Variants in CEP350 observed in about 807,000 individuals in gnomAD.
CEP350 encodes the protein centrosomal protein 350, also known as centrosome-associated protein 350.
A neutral mutation model predicts 331.8 loss-of-function variants in CEP350; 126 were observed. The observed-to-expected ratio is 0.38, with a 90% CI of 0.33 to 0.44. The LOEUF (loss-of-function observed/expected upper bound fraction) is 0.44. CEP350 is among the 20% of genes least tolerant of loss of function. CEP350 has a pLI of 1.00. For missense variants in CEP350, 3,406 were observed against 3,634.6 expected, an observed-to-expected ratio of 0.94 and a Z score of 1.62; for synonymous variants, 1,200 against 1,259.5, an observed-to-expected ratio of 0.95 and a Z score of 1.00.
chr1:180,041,640 T>C, intron 18 of CEP350, 22 bp from the exon 19 acceptor site: 3 of 1,596,518 alleles, frequency 1.9e-6, no homozygotes, highest in Non-Finnish European at 2.6e-6. Context: ...TAACTTCTTT[T>C]TTAAACCCCT....
At chr1:180,001,686 T>G (rs542722459) in intron 6 of CEP350, among the ~76,000 whole-genome samples, 25 of 152,338 alleles carry the variant, frequency 1.6e-4, no homozygotes, top group African/African-American at 6.0e-4. Flanking sequence ...TTGGACACAA[T>G]TTGTCCGTAT....
chr1:180,059,154 C>T (rs1443770908), intron 25 of CEP350, among the ~76,000 whole-genome samples: 1 of 152,090 alleles, frequency 6.6e-6, no homozygotes, highest in East Asian at 1.9e-4. Context: ...TGAATTTATA[C>T]ATTATTTAGT....
intron 1 of CEP350, among the ~76,000 whole-genome samples, chr1:179,976,231 G>GAA (rs34951847): frequency 8.6e-5 from 13 of 150,866 alleles, no homozygotes; most frequent in East Asian, 3.9e-4. Context: ...CTGTAAATCA[G>GAA]AAAAAAAAAT....
At chr1:180,096,814 G>A (rs1024815405) in intron 36 of CEP350, among the ~76,000 whole-genome samples, 5 of 152,202 alleles carry the variant, frequency 3.3e-5, no homozygotes, top group Admixed American at 2.6e-4. Context: ...CTAGTCACAT[G>A]TTTCTTTACG....
In CEP350 at chr1:180,031,501, T is replaced by C; in HGVS notation, c.3725+7T>C. 7.7e-7 allele frequency: 1 copy of C among 1,304,542 alleles called. No homozygotes were observed. Among genetic ancestry groups the C allele is most frequent in the Non-Finnish European group, 1.0e-6 (1 of 985,164 alleles). The allele number at this position is 1,304,542 out of a possible 1,614,324, so 80.8% of individuals were successfully genotyped here. On this transcript the variant is annotated splice_region_variant and intron_variant, in intron 15 of 37. Coordinates refer to ENST00000367607, the MANE Select transcript of CEP350 (RefSeq NM_014810.5). ...TTTCTGGACATTCTGTGAGGTAATGTATATTTTATACTGTAATTTATATAT... is the reference window on the plus strand; with the variant it reads ...TTTCTGGACATTCTGTGAGGTAATGCATATTTTATACTGTAATTTATATAT...
intron 27 of CEP350, among the ~76,000 whole-genome samples, chr1:180,071,009 A>G (rs1658845936): frequency 6.6e-6 from 1 of 151,680 alleles, no homozygotes; most frequent in Non-Finnish European, 1.5e-5. Context: ...TTAGCTGGGC[A>G]TGGCGGCGCG....
rs1395451174 is a variant in CEP350 at position 180,112,534 on chromosome 1, C to G, written c.*1373C>G. 2 of 152,626 alleles carry G rather than the reference C, an allele frequency of 1.3e-5. No individual in the cohort carries two copies. Among genetic ancestry groups the G allele is most frequent in the Non-Finnish European group, 2.9e-5 (2 of 68,052 alleles). 9.5% of individuals were successfully genotyped at this position (152,626 alleles called of 1,614,324 possible). ...GAGATGCTCTCCTGGGACCTCAGTA[C>G]CCTGCCTTCTTGACTGGTTTCCGTT... On this transcript the variant is annotated 3_prime_UTR_variant, in exon 38 of 38. Coordinates refer to ENST00000367607, the MANE Select transcript of CEP350 (RefSeq NM_014810.5).
chr1:179,965,637 T>TTTTTTTTTTTA (rs878992781), intron 1 of CEP350, among the ~76,000 whole-genome samples: 1 of 138,578 alleles, frequency 7.2e-6, no homozygotes, highest in Non-Finnish European at 1.6e-5. Flanking sequence ...TTTTTTTTTT[T>TTTTTTTTTTTA]GAGATAGAGT....
At chr1:180,090,350 T>C (rs1474727574) in intron 32 of CEP350, among the ~76,000 whole-genome samples, 1 of 151,034 alleles carries the variant, frequency 6.6e-6, no homozygotes, top group Non-Finnish European at 1.5e-5. Context: ...ATCGAGACCA[T>C]CCTGGCTAAC....
intron 6 of CEP350, among the ~76,000 whole-genome samples, chr1:180,000,132 T>G (rs1055588330): frequency 3.3e-5 from 5 of 152,098 alleles, no homozygotes. Context: ...AAATAAAGAC[T>G]TGGGGACAGA....
chr1:180,046,896 G>T (rs192719302), intron 21 of CEP350, among the ~76,000 whole-genome samples: 75 of 152,312 alleles, frequency 4.9e-4, no homozygotes, highest in Admixed American at 2.9e-3. Context: ...TCAACCCCAT[G>T]TCCTTCTGAC....
In CEP350 at chr1:180,062,378, G is replaced by T. The variant is rs1468705343; in HGVS notation, c.5409+12G>T. On this transcript the variant is annotated intron_variant, in intron 26 of 37. Transcript: ENST00000367607. ...GGGAGAGTAAATTGGTAAACTACAT[G>T]AAGTTATTATTTGTTTCCTGTCTTA... 6.3e-7 allele frequency: 1 copy of T among 1,580,112 alleles called. No homozygotes were observed. Among genetic ancestry groups the T allele is most frequent in the South Asian group, 1.2e-5 (1 of 85,246 alleles).
At position 180,092,799 on chromosome 1, in the gene CEP350, C is replaced by T. The variant is rs1283344905; in HGVS notation, c.6694C>T (p.Leu2232Phe). 6.4e-6 allele frequency: 10 copies of T among 1,573,740 alleles called. No homozygotes were observed. Among genetic ancestry groups the T allele is most frequent in the Non-Finnish European group, 7.8e-6 (9 of 1,158,104 alleles). Residue 2232 changes from leucine to phenylalanine, a missense_variant, in exon 34 of 38, where the codon CTC becomes TTC. By Grantham distance (22) the Leu-to-Phe change is conservative (BLOSUM62 0). Coordinates refer to ENST00000367607, the MANE Select transcript of CEP350 (RefSeq NM_014810.5). The stretch of plus-strand genomic sequence containing the variant: ...AGAAAATGTACCTGCATTACATCTT[C>T]TCAAAGAATTAAATGCCACTAGTAG... ...SLENVPALHL[L>F]KELNATSRIL...
chr1:180,110,158 G>C (rs1016292773), intron 37 of CEP350, among the ~76,000 whole-genome samples: 13 of 152,100 alleles, frequency 8.5e-5, no homozygotes, highest in Non-Finnish European at 1.2e-4. Context: ...TATAACAAGT[G>C]TTATTCATTT....
chr1:180,073,711 C>T, intron 27 of CEP350: 2 of 1,176,940 alleles, frequency 1.7e-6, no homozygotes, highest in Non-Finnish European at 2.3e-6. Context: ...CTTCACTCAG[C>T]TCTTACGCTT....
In CEP350 at chr1:180,093,406, A is replaced by G. The variant is rs760937842; in HGVS notation, c.7301A>G (p.Glu2434Gly). The G allele has an allele frequency of 2.5e-6, 4 of 1,598,812 alleles. No individual in the cohort carries two copies. Among genetic ancestry groups the G allele is most frequent in the Non-Finnish European group, 3.4e-6 (4 of 1,172,372 alleles). Reference sequence around the variant, plus strand: ...GCCACTAGCTTTGGTAGTAATGAGGAAATCAGTGAGTGCCTAAGTGAGAAA... The same window carrying G: ...GCCACTAGCTTTGGTAGTAATGAGGGAATCAGTGAGTGCCTAAGTGAGAAA... ...SGATSFGSNE[E>G]ISECLSEKSL... The change falls in exon 34 of 38, where the codon GAA (glutamate) becomes GGA (glycine). Residue 2434 changes from glutamate (E) to glycine (G), a missense_variant. Glu to Gly is a moderately conservative substitution (Grantham distance 98). This residue lies in a region of CEP350 where 1,415 missense variants were observed against 1,512.3 expected (regional missense o/e 0.94). Transcript: ENST00000367607.
chr1:180,084,035 A>G lies in CEP350; in HGVS notation c.6142A>G (p.Ser2048Gly), dbSNP rs767643644. 112 of 1,577,986 alleles carry G rather than the reference A, an allele frequency of 7.1e-5. No homozygotes were observed. The highest frequency in any genetic ancestry group is 4.3e-6 in the Non-Finnish European group (5 of 1,158,722). ...TCTTTCAGAAACTACATCTGACCAGAGTGATATTGAAGGTAGGATCAGAGC... is the reference window on the plus strand; with the variant it reads ...TCTTTCAGAAACTACATCTGACCAGGGTGATATTGAAGGTAGGATCAGAGC... Reference protein sequence around the residue: ...MTQSETTSDQSDIEGRIRALK... With the variant: ...MTQSETTSDQGDIEGRIRALK... Residue 2048 changes from serine to glycine, a missense_variant, in exon 31 of 38, where the codon AGT (serine) becomes GGT (glycine). Physicochemically the swap from Ser to Gly is moderately conservative, Grantham distance 56 (BLOSUM62 0). Around this residue, in one of 5 missense-constraint regions of CEP350, gnomAD observed 1,415 missense variants for 1,512.3 expected, o/e 0.94. Coordinates refer to ENST00000367607, the MANE Select transcript of CEP350 (RefSeq NM_014810.5).
At chr1:180,042,163 C>CACAT (rs376565076) in intron 19 of CEP350, among the ~76,000 whole-genome samples, 2 of 151,530 alleles carry the variant, frequency 1.3e-5, no homozygotes, top group Non-Finnish European at 2.9e-5. Context: ...CACACACACA[C>CACAT]ACACATCTCC....
chr1:179,972,615 C>T (rs1455585622), intron 1 of CEP350, among the ~76,000 whole-genome samples: 2 of 152,038 alleles, frequency 1.3e-5, no homozygotes, highest in African/African-American at 4.8e-5. Context: ...AGCAATTCTC[C>T]TGCCTCAGCC....
Sources: gnomAD v4.1 joint callset for allele counts (sites outside exome capture counted in the v4.1 genomes callset) on GRCh38, gnomAD v4.1.1 for gene constraint, gnomAD v4.1.1 regional missense constraint, MANE v1.5 for transcripts, NCBI Gene and HGNC (gene_info 2026-07-23, HGNC 2026-07-21) for gene names.